The following DELE1 variants were observed in gnomAD, a reference collection of about 807,000 sequenced individuals.
DELE1 encodes DAP3 binding cell death enhancer 1.
In DELE1, 54 loss-of-function variants were observed where a neutral mutation model predicts 59.3. That is an observed-to-expected ratio of 0.91 (90% CI 0.73 to 1.14). The LOEUF is 1.14. Ranked by LOEUF, DELE1 falls within the 50% of genes most tolerant of loss-of-function variation. DELE1 has a pLI of 0.00. For missense variants in DELE1, 636 were observed against 643.9 expected (o/e 0.99, Z 0.13); for synonymous variants, 264 against 259.1 (o/e 1.02, Z -0.18).
At chr5:141,931,479 A>G (rs770829214) in intron 7 of DELE1, among the ~76,000 whole-genome samples, 13 of 152,190 alleles carry the variant, frequency 8.5e-5, no homozygotes, top group Non-Finnish European at 1.8e-4. Context: ...TACTTTTCCA[A>G]AGATCTCTCT....
At chr5:141,931,574 A>G (rs1751915774) in intron 7 of DELE1, among the ~76,000 whole-genome samples, 1 of 152,176 alleles carries the variant, frequency 6.6e-6, no homozygotes, top group Non-Finnish European at 1.5e-5. Flanking sequence ...CGGCTGAACA[A>G]AACATGTCAG....
chr5:141,935,680 C>T (rs1186469561), intron 10 of DELE1, among the ~76,000 whole-genome samples: 1 of 152,252 alleles, frequency 6.6e-6, no homozygotes, highest in African/African-American at 2.4e-5. Context: ...AAGAGCCCCA[C>T]AGAGCCTTCC....
At position 141,936,916 on chromosome 5, in the gene DELE1, C is replaced by T. The variant is rs555277400; in HGVS notation, c.1150-282C>T. 318 of 985,346 alleles carry T rather than the reference C, an allele frequency of 3.2e-4. 2 individuals are homozygous for T. Among genetic ancestry groups the T allele is most frequent in the Non-Finnish European group, 3.7e-4 (310 of 829,920 alleles). 61.0% of individuals were successfully genotyped at this position (985,346 alleles called of 1,614,324 possible). On this transcript the variant is annotated intron_variant, in intron 10 of 11. Transcript: ENST00000432126. ...TGGCCTGAGTGTTTCCTGTAGCCTT[C>T]GTTGTGCATGCTTTCAGCCAGCCTA...
intron 10 of DELE1, 160 bp downstream of exon 10, chr5:141,934,746 G>T: frequency 1.5e-6 from 1 of 679,354 alleles, no homozygotes; most frequent in Non-Finnish European, 2.5e-6. Context: ...GTGACCGTTG[G>T]GCAGTTGCAG....
In DELE1 at chr5:141,928,134, CG is replaced by C; in HGVS notation, c.265-16del. ...GATTGGTGAAGGACCGTGTCCTTAACGTGCTGTCTTTCCCAGGGCACTCTGG... is the reference window on the plus strand; with the variant it reads ...GATTGGTGAAGGACCGTGTCCTTAACTGCTGTCTTTCCCAGGGCACTCTGG... On this transcript the variant is annotated splice_polypyrimidine_tract_variant and intron_variant, in intron 3 of 11. Coordinates refer to ENST00000432126, the MANE Select transcript of DELE1 (RefSeq NM_014773.5). 1.2e-6 allele frequency: 2 copies of C among 1,610,006 alleles called. No individual in the cohort carries two copies. The highest frequency in any genetic ancestry group is 1.7e-6 in the Non-Finnish European group (2 of 1,177,870).
chr5:141,938,977 G>A lies in DELE1; in HGVS notation c.*218G>A, dbSNP rs1752582611. On this transcript the variant is annotated 3_prime_UTR_variant, in exon 12 of 12. Coordinates refer to ENST00000432126, the MANE Select transcript of DELE1 (RefSeq NM_014773.5). ...TTGGATGCATTCACAGTCATTTCTG[G>A]TCTGTGCACCAAAGGATGCATTCAG... The A allele has an allele frequency of 5.8e-6, 8 of 1,388,942 alleles. No individual in the cohort carries two copies. The highest frequency in any genetic ancestry group is 2.7e-4 in the Middle Eastern group (1 of 3,674). 86.0% of individuals were successfully genotyped at this position (1,388,942 alleles called of 1,614,324 possible). A position where few individuals can be genotyped will look rare whatever the true frequency, so the allele number is the denominator to read the frequency against.
chr5:141,933,088 C>T (rs1752042840), intron 7 of DELE1, among the ~76,000 whole-genome samples, 171 bp from the exon 8 acceptor site: 1 of 115,978 alleles, frequency 8.6e-6, no homozygotes, highest in Non-Finnish European at 1.6e-5. Context: ...GAGCAAGACT[C>T]CATCTCAAAA....
chr5:141,928,042 G>A (rs1751560764), intron 3 of DELE1, 109 bp from the exon 4 acceptor site: 1 of 1,267,992 alleles, frequency 7.9e-7, no homozygotes, highest in Non-Finnish European at 1.1e-6. Flanking sequence ...TTTGTAGTCG[G>A]GGAGCTGCCC....
chr5:141,924,423 T>G (rs1352027164), intron 1 of DELE1, among the ~76,000 whole-genome samples, 158 bp from the exon 2 acceptor site: 1 of 152,234 alleles, frequency 6.6e-6, no homozygotes, highest in Non-Finnish European at 1.5e-5. Context: ...TGCTCTACCC[T>G]GAGAAATCTT....
intron 10 of DELE1, 89 bp downstream of exon 10, chr5:141,934,675 G>A: frequency 8.0e-7 from 1 of 1,250,700 alleles, no homozygotes; most frequent in Non-Finnish European, 1.2e-6. Flanking sequence ...TCTGTGCTTA[G>A]GAGATTGTTG....
chr5:141,930,513 G>C (rs558433645), intron 7 of DELE1, among the ~76,000 whole-genome samples: 1 of 152,178 alleles, frequency 6.6e-6, no homozygotes, highest in Non-Finnish European at 1.5e-5. Flanking sequence ...CCTCCTGTCC[G>C]TATTCTAGCC....
In DELE1 at chr5:141,938,613, C is replaced by G. The variant is rs10056676; in HGVS notation, c.1402C>G (p.Arg468Gly). The G allele has an allele frequency of 9.3e-6, 15 of 1,614,014 alleles. No homozygotes were observed. The highest frequency in any genetic ancestry group is 3.3e-5 in the South Asian group (3 of 91,084). Residue 468 changes from arginine to glycine, a missense_variant, in exon 12 of 12, where the codon CGC becomes GGC. Transcript: ENST00000432126. ...SLNTLLAGTS[R>G]LPHASSTGNL... is the part of the protein sequence containing the mutation. ...GAACACCCTGCTAGCAGGAACCTCA[C>G]GCCTACCACATGCCTCGAGCACAGG...
rs1752000583 is a variant in DELE1, at chr5:141,932,601, C to G, written c.755-658C>G. On this transcript the variant is annotated intron_variant, in intron 7 of 11. Transcript: ENST00000432126. ...CAAGGGCTGTTTTCTCTCCTTGTCC[C>G]AACCAGATCAAGGTTCAGATTCCTG... 3.9e-5 allele frequency among the ~76,000 whole-genome samples: 6 copies of G among 152,280 alleles called. 1 individual carries two copies. The South Asian group carries it at 1.2e-3, about 32-fold the overall frequency.
chr5:141,941,771 G>A lies in DELE1; in HGVS notation c.*3012G>A. ...ACTATATCATTAGTGCTAATATAGT[G>A]TGGGGCACTCAGATGTTCAGTAAAT... On this transcript the variant is annotated 3_prime_UTR_variant, in exon 12 of 12. Coordinates refer to ENST00000432126, the MANE Select transcript of DELE1 (RefSeq NM_014773.5). 1 of 985,298 alleles carries A rather than the reference G, an allele frequency of 1.0e-6. No homozygotes were observed. The highest frequency in any genetic ancestry group is 1.7e-5 in the African/African-American group (1 of 57,302). The allele number at this position is 985,298 out of a possible 1,614,324, so 61.0% of individuals were successfully genotyped here.
intron 7 of DELE1, among the ~76,000 whole-genome samples, chr5:141,932,985 C>G (rs1272251494): frequency 6.6e-6 from 1 of 151,206 alleles, no homozygotes. Context: ...AACCCAGCTA[C>G]TTGGGAGGCT....
In DELE1 at chr5:141,928,238, T is replaced by G. The variant is rs1202455144; in HGVS notation, c.352T>G (p.Cys118Gly). Residue 118 changes from cysteine to glycine, a missense_variant, in exon 4 of 12, where the codon TGC becomes GGC. By Grantham distance (159) the Cys-to-Gly change is radical. Transcript: ENST00000432126. ...AGCAGGACCTCAGCGGGTAGAACAC[T>G]GCTCCTGGCACAGTCCCCTGGACCG... ...LPAGPQRVEH[C>G]SWHSPLDRFF... 5 of 1,614,224 alleles carry G rather than the reference T, an allele frequency of 3.1e-6. No homozygotes were observed. The highest frequency in any genetic ancestry group is 4.2e-6 in the Non-Finnish European group (5 of 1,180,032).
intron 3 of DELE1, among the ~76,000 whole-genome samples, chr5:141,927,416 A>G (rs1751509747): frequency 6.6e-6 from 1 of 151,662 alleles, no homozygotes; most frequent in Non-Finnish European, 1.5e-5. Context: ...CTGGTCTTCA[A>G]CTCCTGGCCT....
chr5:141,941,973 A>G lies in DELE1; in HGVS notation c.*3214A>G, dbSNP rs1752770646. The G allele has an allele frequency of 3.3e-6, 3 of 900,966 alleles. No individual in the cohort carries two copies. Among genetic ancestry groups the G allele is most frequent in the African/African-American group, 1.8e-5 (1 of 54,512 alleles). The allele number at this position is 900,966 out of a possible 1,614,324, so 55.8% of individuals were successfully genotyped here. ...GCCGCCTATACACACGCACACACGC[A>G]CACACACACACACGGTTTCCTGTGC... On this transcript the variant is annotated 3_prime_UTR_variant, in exon 12 of 12. Coordinates refer to ENST00000432126, the MANE Select transcript of DELE1 (RefSeq NM_014773.5).
At position 141,928,311 on chromosome 5, in the gene DELE1, TC is replaced by T. The variant is rs1751592951; in HGVS notation, c.412+15del. On this transcript the variant is annotated intron_variant, in intron 4 of 11. Transcript: ENST00000432126. ...CACCCATGCTCCTGTGAGTTCTCAG[TC>T]CTGGGGACAGGAGGGCTGGGCTGGG... The T allele has an allele frequency of 1.9e-6, 3 of 1,612,768 alleles. No individual in the cohort carries two copies. In the East Asian group the frequency reaches 6.7e-5, roughly 36 times the overall value.
Sources: gnomAD v4.1 joint callset for allele counts (sites outside exome capture counted in the v4.1 genomes callset) on GRCh38, gnomAD v4.1.1 for gene constraint, MANE v1.5 for transcripts, NCBI Gene and HGNC (gene_info 2026-07-23, HGNC 2026-07-21) for gene names.